The following E2F2 variants were observed in gnomAD, a reference collection of about 807,000 sequenced individuals.
E2F2 encodes transcription factor E2F2.
E2F2 carries 22 observed loss-of-function variants against 42.2 expected under a neutral mutation model. That is an observed-to-expected ratio of 0.52 (90% CI 0.37 to 0.74). The LOEUF (loss-of-function observed/expected upper bound fraction) is 0.74, where lower values mean the gene tolerates loss of function less well. E2F2 is among the 30% of genes least tolerant of loss of function. The pLI, the probability that E2F2 is intolerant of heterozygous loss-of-function variation, is 0.00. For missense variants in E2F2, 481 were observed against 557.8 expected, an observed-to-expected ratio of 0.86 and a Z score of 1.39; for synonymous variants, 248 against 251.6, an observed-to-expected ratio of 0.99 and a Z score of 0.13.
intron 6 of E2F2, among the ~76,000 whole-genome samples, chr1:23,513,702 A>C (rs1642960365): frequency 6.6e-6 from 1 of 151,704 alleles, no homozygotes; most frequent in African/African-American, 2.4e-5. Flanking sequence ...AGCAGGGATA[A>C]TACTATGAGG....
downstream of E2F2, among the ~76,000 whole-genome samples, chr1:23,506,042 C>CCGCACCCAG (rs1273987286): frequency 1.3e-5 from 2 of 152,156 alleles, no homozygotes; most frequent in African/African-American, 4.8e-5. Context: ...AAGTGATCCA[C>CCGCACCCAG]CGCACCCAGC....
chr1:23,515,308 G>T (rs1056896021), intron 6 of E2F2, among the ~76,000 whole-genome samples: 4 of 152,196 alleles, frequency 2.6e-5, no homozygotes, highest in Non-Finnish European at 4.4e-5. Flanking sequence ...AAGCTCTCAG[G>T]AACTTTGCTC....
chr1:23,524,502 G>A lies in E2F2; in HGVS notation c.253-14C>T, dbSNP rs762481213. On this transcript the variant is annotated splice_polypyrimidine_tract_variant and intron_variant, in intron 1 of 6. Coordinates refer to ENST00000361729, the MANE Select transcript of E2F2 (RefSeq NM_004091.4). ...CTTCCTTTTGGCCTTGGAGAAAAGG[G>A]GGAGAGAGAGGCAGAGTTTGAGAAT... The A allele has an allele frequency of 1.2e-6, 2 of 1,609,946 alleles. No individual in the cohort carries two copies. Among genetic ancestry groups the A allele is most frequent in the Non-Finnish European group, 1.7e-6 (2 of 1,177,148 alleles).
intron 6 of E2F2, among the ~76,000 whole-genome samples, 187 bp from the exon 7 acceptor site, chr1:23,510,335 T>C (rs3218205): frequency 0.059 from 9,022 of 152,192 alleles, 590 homozygotes; most frequent in South Asian, 0.3. Flanking sequence ...ATGTATTTTT[T>C]ATTTTTTTGA....
rs1642842202 is a variant in E2F2, at chr1:23,508,427, C to G, written c.*1453G>C. 6.6e-6 allele frequency: 1 copy of G among 152,026 alleles called. No individual in the cohort carries two copies. Among genetic ancestry groups the G allele is most frequent in the Admixed American group, 6.6e-5 (1 of 15,242 alleles). The allele number at this position is 152,026 out of a possible 1,614,324, so 9.4% of individuals were successfully genotyped here. A position where few individuals can be genotyped will look rare whatever the true frequency, so the allele number is the denominator to read the frequency against. ...GTGGATGGCAGGCCTCTCAGACCAA[C>G]CCCTGAGCCTCTCTCCAGAAGTCAT... On this transcript the variant is annotated 3_prime_UTR_variant, in exon 7 of 7. Transcript: ENST00000361729.
rs778025314 is a variant in E2F2, at chr1:23,524,455, TC to T, written c.285del (p.Arg96GlyfsTer50). The T allele has an allele frequency of 1.2e-6, 2 of 1,612,936 alleles. No homozygotes were observed. Among genetic ancestry groups the T allele is most frequent in the Non-Finnish European group, 1.7e-6 (2 of 1,179,386 alleles). ...GTTGGGAACTCAGGGACGACGGGCC[TC>T]CCAATCCCCTCCAGATCCAGCTTCC... ...AKRKLDLEGI[G>X]RPVVPEFPTP... On this transcript the variant is annotated frameshift_variant, in exon 2 of 7. Transcript: ENST00000361729. LOFTEE classifies it high-confidence loss of function.
chr1:23,515,389 C>T lies in E2F2; in HGVS notation c.1045+946G>A, dbSNP rs3218188. Among the ~76,000 whole-genome samples, 114 of 152,312 alleles carry T rather than the reference C, an allele frequency of 7.5e-4. 2 individuals are homozygous for T. The South Asian group carries it at 0.017, about 23-fold the overall frequency. ...TTAACCATACCGTCCACCTCCCAGC[C>T]AGAAGCCCCTTCTTCGATTTGATCT... is the stretch of plus-strand genomic sequence containing the variant. On this transcript the variant is annotated intron_variant, in intron 6 of 6. Transcript: ENST00000361729.
At chr1:23,525,979 G>A (rs544032346) in intron 1 of E2F2, among the ~76,000 whole-genome samples, 10 of 152,004 alleles carry the variant, frequency 6.6e-5, no homozygotes, top group Non-Finnish European at 1.3e-4. Flanking sequence ...TGGAGGTGGT[G>A]ACAGCTCTTC....
intron 4 of E2F2, 191 bp from the exon 5 acceptor site, chr1:23,519,321 G>A (rs148475158): frequency 6.8e-4 from 274 of 402,148 alleles, no homozygotes; most frequent in African/African-American, 5.1e-3. Context: ...GAAAGCAAAT[G>A]GGAATATAAA....
At chr1:23,528,868 A>G (rs1643292185) in intron 1 of E2F2, among the ~76,000 whole-genome samples, 1 of 152,126 alleles carries the variant, frequency 6.6e-6, no homozygotes, top group East Asian at 1.9e-4. Flanking sequence ...CTCAGCTCCT[A>G]AGTTAGGCAG....
At position 23,519,064 on chromosome 1, in the gene E2F2, G is replaced by A. The variant is rs771510451; in HGVS notation, c.804C>T (p.Ala268=). 37 of 1,613,874 alleles carry A rather than the reference G, an allele frequency of 2.3e-5. No homozygotes were observed. Among genetic ancestry groups the A allele is most frequent in the Middle Eastern group, 1.6e-4 (1 of 6,084 alleles). ...VGNFKEQTVI[A]VKAPPQTRLE... is the part of the protein sequence containing the mutation. The stretch of plus-strand genomic sequence containing the variant: ...GTCTCGTCTGCGGAGGGGCCTTGAC[G>A]GCAATCACTGTCTGCTCCTTAAAGT... The change falls in exon 5 of 7, where the codon GCC becomes GCT. Residue 268 remains alanine (A), a synonymous_variant. Transcript: ENST00000361729.
chr1:23,505,797 GC>G (rs1425000186), downstream of E2F2, among the ~76,000 whole-genome samples: 2 of 152,024 alleles, frequency 1.3e-5, no homozygotes, highest in Non-Finnish European at 2.9e-5. Flanking sequence ...ACAGGCGTGA[GC>G]CACTGCACCT....
At chr1:23,516,272 T>C (rs1033956015) in intron 6 of E2F2, 63 bp downstream of exon 6, 26 of 1,411,572 alleles carry the variant, frequency 1.8e-5, no homozygotes, top group Non-Finnish European at 2.1e-5. Flanking sequence ...AACATTGATA[T>C]AGAAGAGAAA....
At chr1:23,524,512 G>A in intron 1 of E2F2, 24 bp from the exon 2 acceptor site, 7 of 1,606,170 alleles carry the variant, frequency 4.4e-6, no homozygotes, top group Non-Finnish European at 5.1e-6. Context: ...GGGAGAGAGA[G>A]GCAGAGTTTG....
chr1:23,525,194 C>CG (rs376050404), intron 1 of E2F2, among the ~76,000 whole-genome samples: 5 of 151,242 alleles, frequency 3.3e-5, no homozygotes, highest in African/African-American at 9.7e-5. Context: ...GGCCACCCCC[C>CG]CCCTCCAGCT....
intron 6 of E2F2, among the ~76,000 whole-genome samples, chr1:23,511,751 TCA>T (rs1436648711): frequency 3.3e-5 from 5 of 152,172 alleles, no homozygotes; most frequent in Non-Finnish European, 7.3e-5. Context: ...GCATGTGATT[TCA>T]CATTTTATTT....
chr1:23,513,479 C>T (rs1194289695), intron 6 of E2F2, among the ~76,000 whole-genome samples: 2 of 152,028 alleles, frequency 1.3e-5, no homozygotes, highest in Non-Finnish European at 2.9e-5. Flanking sequence ...ACCCAGGTCC[C>T]AAGACTGTAG....
At chr1:23,512,743 C>T (rs1642934429) in intron 6 of E2F2, among the ~76,000 whole-genome samples, 8 of 152,104 alleles carry the variant, frequency 5.3e-5, no homozygotes, top group Admixed American at 5.2e-4. Context: ...CCACCACACT[C>T]TGAATGGCTC....
At chr1:23,522,233 A>C (rs958531496) in intron 2 of E2F2, among the ~76,000 whole-genome samples, 177 bp from the exon 3 acceptor site, 59 of 152,328 alleles carry the variant, frequency 3.9e-4, no homozygotes, top group Admixed American at 2.7e-3. Flanking sequence ...CTGATACCTA[A>C]GAGGGAAGGT....
Sources: gnomAD v4.1 joint callset for allele counts (sites outside exome capture counted in the v4.1 genomes callset) on GRCh38, gnomAD v4.1.1 for gene constraint, MANE v1.5 for transcripts, NCBI Gene and HGNC (gene_info 2026-07-23, HGNC 2026-07-21) for gene names.